Variants in AHCTF1 observed in about 807,000 individuals in gnomAD.
AHCTF1 encodes AT-hook containing transcription factor 1, also known as protein ELYS.
Under a neutral mutation model 248.4 loss-of-function variants are expected in AHCTF1, and 24 were observed. That is an observed-to-expected ratio of 0.10 (90% CI 0.07 to 0.14). AHCTF1 has a LOEUF of 0.14. Ranked by LOEUF, AHCTF1 falls within the 10% of genes least tolerant of loss-of-function variation. The probability of loss-of-function intolerance (pLI) is 1.00; values close to 1 mark genes in which losing one functional copy is unlikely to be tolerated. For synonymous variants in AHCTF1, 786 were observed against 929.8 expected (o/e 0.85, Z 2.81); for missense variants, 2,206 against 2,636.2 (o/e 0.84, Z 3.57).
Position 246,891,788 on chromosome 1 carries a change from T to G in AHCTF1, c.1936A>C (p.Thr646Pro). The change falls in exon 15 of 36, where the codon ACT (threonine) becomes CCT (proline). Residue 646 changes from threonine (T) to proline (P), a missense_variant. Thr to Pro is a conservative substitution (Grantham distance 38). Transcript: ENST00000648844. ...SCFASEAREI[T>P]ERGLIDLSNK... ...AAAACAAAGAGCGTACCTCTCTCAGTGATCTCTCGGGCTTCTGATGCAAAA... is the reference window on the plus strand; with the variant it reads ...AAAACAAAGAGCGTACCTCTCTCAGGGATCTCTCGGGCTTCTGATGCAAAA... 1 of 1,610,468 alleles carries G rather than the reference T, an allele frequency of 6.2e-7. No individual in the cohort carries two copies. Among genetic ancestry groups the G allele is most frequent in the Non-Finnish European group, 8.5e-7 (1 of 1,179,154 alleles).
chr1:246,852,873 C>T (rs1259241071), intron 32 of AHCTF1, among the ~76,000 whole-genome samples: 1 of 152,100 alleles, frequency 6.6e-6, no homozygotes, highest in Non-Finnish European at 1.5e-5. Flanking sequence ...CTATGGGCAC[C>T]CGCCACAGCA....
chr1:246,853,227 C>T lies in AHCTF1; in HGVS notation c.4427G>A (p.Arg1476His), dbSNP rs113767945. The stretch of plus-strand genomic sequence containing the variant: ...CAGCGCTACTTCCTGGTTAAGCCTG[C>T]GCTCAGAGACAATAGGACCTTCAGA... The part of the protein sequence containing the change: ...TISEGPIVSE[R>H]RLNQEVALNL... Residue 1476 changes from arginine to histidine, a missense_variant, in exon 32 of 36, where the codon CGC becomes CAC. Transcript: ENST00000648844. 1,893 of 1,613,704 alleles carry T rather than the reference C, an allele frequency of 1.2e-3. 1 individual carries two copies. Among genetic ancestry groups the T allele is most frequent in the African/African-American group, 1.5e-3 (111 of 75,018 alleles).
chr1:246,927,713 T>C (rs977935680), intron 1 of AHCTF1, among the ~76,000 whole-genome samples: 7 of 152,194 alleles, frequency 4.6e-5, no homozygotes, highest in African/African-American at 1.4e-4. Context: ...TGAATGAAGA[T>C]ACTGTTCATG....
At position 246,860,992 on chromosome 1, in the gene AHCTF1, G is replaced by C. The variant is rs373619574; in HGVS notation, c.4039C>G (p.Leu1347Val). 3 of 1,613,940 alleles carry C rather than the reference G, an allele frequency of 1.9e-6. No individual in the cohort carries two copies. In the African/African-American group the frequency reaches 4.0e-5, roughly 22 times the overall value. The change falls in exon 29 of 36, where the codon CTA (leucine) becomes GTA (valine). Residue 1347 changes from leucine to valine, a missense_variant. Around this residue, in one of 6 missense-constraint regions of AHCTF1, gnomAD observed 955 missense variants for 1,055.6 expected, o/e 0.90. Coordinates refer to ENST00000648844, the MANE Select transcript of AHCTF1 (RefSeq NM_001323342.2). ...GTTTGTTCAGTTACATTAGTAGTTA[G>C]TGCAGTGGAAGAGCTTTTGGGCTTA... is the stretch of plus-strand genomic sequence containing the variant. Reference protein sequence around the residue: ...ASKPKSSSTALTTNVTEQTEK... With the variant: ...ASKPKSSSTAVTTNVTEQTEK...
intron 31 of AHCTF1, among the ~76,000 whole-genome samples, chr1:246,853,791 T>TA (rs1293649601): frequency 2.7e-5 from 4 of 149,416 alleles, no homozygotes; most frequent in Middle Eastern, 3.5e-3. Flanking sequence ...AAAACATCAA[T>TA]AAAAAAGCAC....
intron 1 of AHCTF1, among the ~76,000 whole-genome samples, chr1:246,930,294 G>A (rs1410702698): frequency 6.6e-6 from 1 of 151,212 alleles, no homozygotes; most frequent in Non-Finnish European, 1.5e-5. Flanking sequence ...GCGACTAGAG[G>A]CGCCACCAAT....
rs142727111 is a variant in AHCTF1, at chr1:246,876,959, A to C, written c.2928T>G (p.Ile976Met). ...ACAACTTTAATCGTACCATAACATTAATCTTCAGAGTTTGGTTCAGCTTCA... is the reference window on the plus strand; with the variant it reads ...ACAACTTTAATCGTACCATAACATTCATCTTCAGAGTTTGGTTCAGCTTCA... The part of the protein sequence containing the change: ...PALKLNQTLK[I>M]NVMNDRDPRL... The change falls in exon 23 of 36, where the codon ATT (isoleucine) becomes ATG (methionine). Residue 976 changes from isoleucine (I) to methionine (M), a missense_variant. By Grantham distance (10) the Ile-to-Met change is conservative (BLOSUM62 1). Around this residue, in one of 6 missense-constraint regions of AHCTF1, gnomAD observed 955 missense variants for 1,055.6 expected, o/e 0.90. Transcript: ENST00000648844. 1.9e-4 allele frequency: 300 copies of C among 1,611,876 alleles called. No individual in the cohort carries two copies. The African/African-American group carries it at 2.8e-3, about 15-fold the overall frequency.
intron 24 of AHCTF1, among the ~76,000 whole-genome samples, chr1:246,869,209 A>G (rs756387863): frequency 3.0e-4 from 46 of 152,028 alleles, no homozygotes; most frequent in Admixed American, 2.0e-4. Flanking sequence ...GTCTACTGGC[A>G]CCATTTTTCC....
rs753121638 is a variant in AHCTF1, at chr1:246,898,273, G to C, written c.1558C>G (p.Arg520Gly). ...LNELIPDGYNRCLVAGLLSPR... is the reference protein window; with the variant it reads ...LNELIPDGYNGCLVAGLLSPR... ...GAAAGAAGGCCAGCTACAAGACATC[G>C]ATTATAACCATCAGGAATGAGTTCA... The change falls in exon 12 of 36, where the codon CGA (arginine) becomes GGA (glycine). Residue 520 changes from arginine (R) to glycine (G), a missense_variant. Physicochemically the swap from Arg to Gly is moderately radical, Grantham distance 125. Coordinates refer to ENST00000648844, the MANE Select transcript of AHCTF1 (RefSeq NM_001323342.2). 6.2e-7 allele frequency: 1 copy of C among 1,612,730 alleles called. No individual in the cohort carries two copies. Among genetic ancestry groups the C allele is most frequent in the South Asian group, 1.1e-5 (1 of 91,022 alleles).
chr1:246,845,414 T>C (rs1660186816), intron 33 of AHCTF1, among the ~76,000 whole-genome samples: 1 of 152,152 alleles, frequency 6.6e-6, no homozygotes, highest in African/African-American at 2.4e-5. Flanking sequence ...ATATATAATC[T>C]CTGCTCCCAG....
chr1:246,841,020 A>T (rs759584965), intron 35 of AHCTF1, 22 bp from the exon 36 acceptor site: 1 of 1,577,556 alleles, frequency 6.3e-7, no homozygotes, highest in East Asian at 2.3e-5. Flanking sequence ...AGATATGATC[A>T]AGTAAGAATA....
chr1:246,902,903 T>G (rs1160079638), intron 7 of AHCTF1, among the ~76,000 whole-genome samples: 2 of 152,210 alleles, frequency 1.3e-5, no homozygotes, highest in African/African-American at 4.8e-5. Flanking sequence ...CTAAAGTTAT[T>G]TAACACAGAA....
At chr1:246,841,784 T>A (rs1339686352) in intron 35 of AHCTF1, among the ~76,000 whole-genome samples, 1 of 152,010 alleles carries the variant, frequency 6.6e-6, no homozygotes, top group Non-Finnish European at 1.5e-5. Context: ...CCTTTTATTA[T>A]TTTATTTTTA....
At position 246,861,152 on chromosome 1, in the gene AHCTF1, C is replaced by T. The variant is rs1244612746; in HGVS notation, c.3879G>A (p.Glu1293=). Reference sequence around the variant, plus strand: ...CCAGTTTCTCTAAACTTTGTGACCCCTCATCCATTTCTTGATGCTCCTTTT... The same window carrying T: ...CCAGTTTCTCTAAACTTTGTGACCCTTCATCCATTTCTTGATGCTCCTTTT... ...SPEKEHQEMD[E]GSQSLEKLDV... The change falls in exon 29 of 36, where the codon GAG becomes GAA. Residue 1293 remains glutamate, a synonymous_variant. Transcript: ENST00000648844. 4 of 1,613,696 alleles carry T rather than the reference C, an allele frequency of 2.5e-6. No homozygotes were observed. In the South Asian group the frequency reaches 4.4e-5, roughly 18 times the overall value.
chr1:246,863,941 T>A lies in AHCTF1; in HGVS notation c.3523A>T (p.Thr1175Ser), dbSNP rs1171670379. ...ATACTAACCTTAACTACAAGAGGAGTTTCAAGCAAATGTAATTCTGAAGCC... is the reference window on the plus strand; with the variant it reads ...ATACTAACCTTAACTACAAGAGGAGATTCAAGCAAATGTAATTCTGAAGCC... The part of the protein sequence containing the change: ...SRASELHLLE[T>S]PLVVKKAKSL... The change falls in exon 27 of 36, where the codon ACT becomes TCT. Residue 1175 changes from threonine to serine, a missense_variant. Thr to Ser is a moderately conservative substitution (Grantham distance 58). Coordinates refer to ENST00000648844, the MANE Select transcript of AHCTF1 (RefSeq NM_001323342.2). 2 of 1,612,822 alleles carry A rather than the reference T, an allele frequency of 1.2e-6. No homozygotes were observed. The highest frequency in any genetic ancestry group is 1.7e-6 in the Non-Finnish European group (2 of 1,179,648).
chr1:246,911,981 T>C (rs1665836584), intron 4 of AHCTF1, among the ~76,000 whole-genome samples: 1 of 152,150 alleles, frequency 6.6e-6, no homozygotes, highest in South Asian at 2.1e-4. Flanking sequence ...TCGCCCAGGC[T>C]GGAGTGCAGT....
intron 30 of AHCTF1, among the ~76,000 whole-genome samples, chr1:246,857,406 TG>T (rs1661182358): frequency 6.6e-6 from 1 of 152,212 alleles, no homozygotes; most frequent in African/African-American, 2.4e-5. Flanking sequence ...GCAGAGGGCA[TG>T]GAGGTATGCA....
At chr1:246,856,053 A>G (rs1450715901) in intron 30 of AHCTF1, among the ~76,000 whole-genome samples, 1 of 152,224 alleles carries the variant, frequency 6.6e-6, no homozygotes, top group Non-Finnish European at 1.5e-5. Flanking sequence ...TTTTGGCAAC[A>G]ATGGCATGGC....
At chr1:246,909,016 G>A (rs566143051) in intron 4 of AHCTF1, among the ~76,000 whole-genome samples, 21 of 151,272 alleles carry the variant, frequency 1.4e-4, no homozygotes, top group African/African-American at 3.9e-4. Flanking sequence ...TCCAATTTCC[G>A]TTACCTGTAG....
Sources: gnomAD v4.1 joint callset for allele counts (sites outside exome capture counted in the v4.1 genomes callset) on GRCh38, gnomAD v4.1.1 for gene constraint, gnomAD v4.1.1 regional missense constraint, MANE v1.5 for transcripts, NCBI Gene and HGNC (gene_info 2026-07-23, HGNC 2026-07-21) for gene names.